Variants in KIR3DL1 observed in about 807,000 individuals in gnomAD.
KIR3DL1 encodes the protein killer cell immunoglobulin-like receptor 3DL1.
A neutral mutation model predicts 40.3 loss-of-function variants in KIR3DL1; 50 were observed. The observed-to-expected ratio is 1.24, with a 90% confidence interval of 0.99 to 1.57. The LOEUF (loss-of-function observed/expected upper bound fraction) is 1.57. Ranked by LOEUF, KIR3DL1 falls within the 40% of genes most tolerant of loss-of-function variation. The pLI, the probability that KIR3DL1 is intolerant of heterozygous loss-of-function variation, is 0.00. For synonymous variants in KIR3DL1, 257 were observed against 207.2 expected, an observed-to-expected ratio of 1.24 and a Z score of -2.07; for missense variants, 661 against 559.9, an observed-to-expected ratio of 1.18 and a Z score of -1.82.
At chr19:54,821,527 A>T (rs1463010890) in intron 4 of KIR3DL1, 38 bp from the exon 5 acceptor site, 2 of 1,585,466 alleles carry the variant, frequency 1.3e-6, no homozygotes, top group Non-Finnish European at 1.7e-6. Context: ...TATGACAAGG[A>T]AGAACCTCCC....
At chr19:54,817,669 A>G (rs1325148417) in intron 2 of KIR3DL1, 100 bp downstream of exon 2, 1 of 955,984 alleles carries the variant, frequency 1.0e-6, no homozygotes, top group Non-Finnish European at 1.6e-6. Flanking sequence ...ATACACTAGG[A>G]AGAGGGGACC....
At chr19:54,830,001 C>T in intron 8 of KIR3DL1, 21 bp downstream of exon 8, 1 of 1,528,740 alleles carries the variant, frequency 6.5e-7, no homozygotes, top group Non-Finnish European at 8.9e-7. Flanking sequence ...CTCGGCCCAG[C>T]CTCGTGGCTA....
exon 3 of KIR3DL1, chr19:54,818,412 C>G: frequency 6.2e-7 from 1 of 1,607,762 alleles, no homozygotes; most frequent in Non-Finnish European, 8.5e-7. Context: ...ATAGGTTTAA[C>G]AATTTCATGC....
At chr19:54,821,510 G>T in intron 4 of KIR3DL1, 55 bp from the exon 5 acceptor site, 2 of 1,554,460 alleles carry the variant, frequency 1.3e-6, no homozygotes, top group South Asian at 1.1e-5. Flanking sequence ...TCAGGTATGA[G>T]GGGAGCTATG....
intron 2 of KIR3DL1, 99 bp from the exon 3 acceptor site, chr19:54,818,216 G>T (rs1165338143): frequency 1.5e-6 from 2 of 1,342,944 alleles, no homozygotes; most frequent in Admixed American, 4.0e-5. Context: ...GGTGTGGTAG[G>T]AGCCTTAGAA....
rs2061710575 is a variant in KIR3DL1 at position 54,822,949 on chromosome 19, G to A, written c.949+1091G>A. On this transcript the variant is annotated intron_variant, in intron 5 of 8. Transcript: ENST00000391728. ...ACAGTGCTGGAACAGTCATATGAGT[G>A]CAGATATCACTTCGATACACTGATG... is the stretch of plus-strand genomic sequence containing the variant. Among the ~76,000 whole-genome samples the A allele has an allele frequency of 2.0e-5, 3 of 148,552 alleles. No homozygotes were observed. The South Asian group carries it at 6.4e-4, about 32-fold the overall frequency.
chr19:54,823,701 A>T (rs62124128), intron 5 of KIR3DL1, among the ~76,000 whole-genome samples: 18,026 of 151,170 alleles, frequency 0.12, 1,474 homozygotes, highest in Non-Finnish European at 0.15. Context: ...TTTCTCCATG[A>T]TGGTCAGGCT....
rs776657295 is a variant in KIR3DL1 at position 54,821,131 on chromosome 19, GGATA to G, written c.656-427_656-424del. Among the ~76,000 whole-genome samples, 13 of 149,854 alleles carry G rather than the reference GGATA, an allele frequency of 8.7e-5. 1 individual carries two copies. Among genetic ancestry groups the G allele is most frequent in the African/African-American group, 1.2e-4 (5 of 40,542 alleles). On this transcript the variant is annotated intron_variant, in intron 4 of 8. Coordinates refer to ENST00000391728, the Ensembl canonical transcript of KIR3DL1. Reference sequence around the variant, plus strand: ...CATATATAGATAATAGATGATTGATGGATAGATAGACAGACAGACAATTGATAGA... The same window carrying G: ...CATATATAGATAATAGATGATTGATGGATAGACAGACAGACAATTGATAGA...
intron 6 of KIR3DL1, among the ~76,000 whole-genome samples, chr19:54,828,319 A>G (rs2062016356): frequency 6.6e-6 from 1 of 151,374 alleles, no homozygotes; most frequent in South Asian, 2.1e-4. Flanking sequence ...TTCGCTGTGT[A>G]TCAATCCCAG....
chr19:54,817,331 T>C (rs1316682681), intron 1 of KIR3DL1, among the ~76,000 whole-genome samples: 1 of 144,356 alleles, frequency 6.9e-6, no homozygotes, highest in Non-Finnish European at 1.5e-5. Flanking sequence ...TGTGTAGATC[T>C]AGGCCTGGAG....
chr19:54,821,563 A>T lies in KIR3DL1; in HGVS notation c.656-2A>T, dbSNP rs774230479. The T allele has an allele frequency of 1.0e-5, 16 of 1,604,150 alleles. No homozygotes were observed. Among genetic ancestry groups the T allele is most frequent in the Middle Eastern group, 3.3e-4 (2 of 5,980 alleles). ...TGAGGAAACTGCCTCTTCTCCTTCCAGGTCCATATGAGAAACCTTCTCTCT... is the reference window on the plus strand; with the variant it reads ...TGAGGAAACTGCCTCTTCTCCTTCCTGGTCCATATGAGAAACCTTCTCTCT... On this transcript the variant is annotated splice_acceptor_variant, in intron 4 of 8. Transcript: ENST00000391728. LOFTEE classifies it high-confidence loss of function.
intron 5 of KIR3DL1, among the ~76,000 whole-genome samples, chr19:54,822,131 G>A (rs1354414136): frequency 1.3e-5 from 2 of 151,136 alleles, no homozygotes; most frequent in Non-Finnish European, 2.9e-5. Flanking sequence ...TTAGTTTGGG[G>A]AGATCAGAGG....
At chr19:54,821,085 T>TAG (rs376706238) in intron 4 of KIR3DL1, among the ~76,000 whole-genome samples, 2 of 149,128 alleles carry the variant, frequency 1.3e-5, no homozygotes, top group African/African-American at 2.5e-5. Context: ...AGAGAGGTAA[T>TAG]AGAGAGAGAG....
exon 9 of KIR3DL1, chr19:54,830,419 A>C: frequency 1.0e-6 from 1 of 1,003,316 alleles, no homozygotes; most frequent in Non-Finnish European, 1.5e-6. Flanking sequence ...CACGCCACAA[A>C]TCTGGTGCCT....
Position 54,823,861 on chromosome 19 carries a change from C to T in KIR3DL1, c.950-1167C>T, listed in dbSNP as rs1308050242. ...ACATTTCTCTGATGATGAGTGATGC[C>T]GAGTACTTTTTCATATACGTGATCG... On this transcript the variant is annotated intron_variant, in intron 5 of 8. Transcript: ENST00000391728. Among the ~76,000 whole-genome samples, 26 of 151,580 alleles carry T rather than the reference C, an allele frequency of 1.7e-4. 1 individual carries two copies. The highest frequency in any genetic ancestry group is 7.9e-4 in the Admixed American group (12 of 15,222).
At chr19:54,830,404 C>G in exon 9 of KIR3DL1, 1 of 1,097,236 alleles carries the variant, frequency 9.1e-7, no homozygotes, top group Non-Finnish European at 1.3e-6. Flanking sequence ...GGCATCGCTC[C>G]TCCTCACGCC....
exon 7 of KIR3DL1, chr19:54,829,454 C>G: frequency 6.7e-7 from 1 of 1,489,012 alleles, no homozygotes. Flanking sequence ...CTCTGGTGCT[C>G]CAACAAAAAA....
intron 6 of KIR3DL1, among the ~76,000 whole-genome samples, chr19:54,826,858 C>G (rs664686): frequency 1.3e-5 from 2 of 151,116 alleles, no homozygotes; most frequent in Non-Finnish European, 2.9e-5. Flanking sequence ...AATGACAAGA[C>G]GACTGTGGAG....
In KIR3DL1 at chr19:54,824,560, C is replaced by A. The variant is rs1159668833; in HGVS notation, c.950-468C>A. 2.0e-5 allele frequency among the ~76,000 whole-genome samples: 3 copies of A among 151,246 alleles called. 1 individual carries two copies. The highest frequency in any genetic ancestry group is 4.9e-5 in the African/African-American group (2 of 40,878). ...AGCATGGTGACCAGTGCCTGTAATA[C>A]CACTACTCGGGTGTTTGAGGCAAGA... On this transcript the variant is annotated intron_variant, in intron 5 of 8. Transcript: ENST00000391728.
Sources: gnomAD v4.1 joint callset for allele counts (sites outside exome capture counted in the v4.1 genomes callset) on GRCh38, gnomAD v4.1.1 for gene constraint, MANE v1.5 for transcripts, NCBI Gene and HGNC (gene_info 2026-07-23, HGNC 2026-07-21) for gene names.